The following DLGAP2 variants were observed in gnomAD, a reference collection of about 807,000 sequenced individuals.
DLGAP2 encodes the protein DLG associated protein 2.
A neutral mutation model predicts 100.3 loss-of-function variants in DLGAP2; 26 were observed. The observed-to-expected ratio is 0.26, with a 90% CI of 0.19 to 0.36. The LOEUF is 0.36. Ranked by LOEUF, DLGAP2 falls within the 10% of genes least tolerant of loss-of-function variation. The probability of loss-of-function intolerance (pLI) is 1.00; values close to 1 mark genes in which losing one functional copy is unlikely to be tolerated. For missense variants in DLGAP2, 1,858 were observed against 1,453.2 expected (o/e 1.28, Z -4.53); for synonymous variants, 886 against 630.1 (o/e 1.41, Z -6.08).
intron 3 of DLGAP2, among the ~76,000 whole-genome samples, chr8:1,464,716 C>T (rs887358227): frequency 6.6e-6 from 1 of 152,204 alleles, no homozygotes; most frequent in Non-Finnish European, 1.5e-5. Context: ...ATTCTCCATG[C>T]TGAAAGTGAC....
At chr8:1,194,033 C>G (rs924920789) in intron 2 of DLGAP2, among the ~76,000 whole-genome samples, 2 of 152,264 alleles carry the variant, frequency 1.3e-5, no homozygotes, top group African/African-American at 2.4e-5. Context: ...GGGACCAAAT[C>G]CACGTACTGT....
chr8:923,106 A>C (rs1463587778), intron 2 of DLGAP2, among the ~76,000 whole-genome samples: 1 of 152,226 alleles, frequency 6.6e-6, no homozygotes, highest in Non-Finnish European at 1.5e-5. Flanking sequence ...GCAGCAAGTT[A>C]CTACGGAACA....
intron 2 of DLGAP2, among the ~76,000 whole-genome samples, chr8:1,246,059 G>C (rs112678368): frequency 1.3e-5 from 2 of 152,294 alleles, no homozygotes; most frequent in East Asian, 1.9e-4. Flanking sequence ...TGTACTATCA[G>C]TGTCTATATT....
At chr8:841,091 G>T (rs1021338678) in intron 1 of DLGAP2, among the ~76,000 whole-genome samples, 2 of 152,118 alleles carry the variant, frequency 1.3e-5, no homozygotes, top group South Asian at 4.1e-4. Context: ...AATTGAACTT[G>T]TTTCTATAAA....
chr8:886,639 A>T (rs1797928917), intron 1 of DLGAP2, among the ~76,000 whole-genome samples: 1 of 152,238 alleles, frequency 6.6e-6, no homozygotes, highest in Admixed American at 6.5e-5. Context: ...CCCAGGAGTC[A>T]TTCAGGAGCA....
intron 1 of DLGAP2, among the ~76,000 whole-genome samples, chr8:843,578 G>A (rs544095167): frequency 9.2e-5 from 14 of 152,306 alleles, no homozygotes; most frequent in Middle Eastern, 3.4e-3. Flanking sequence ...GGACACGGAC[G>A]CCACGTAGAT....
intron 1 of DLGAP2, among the ~76,000 whole-genome samples, chr8:851,793 C>G (rs1475369334): frequency 6.6e-6 from 1 of 152,182 alleles, no homozygotes; most frequent in Non-Finnish European, 1.5e-5. Context: ...TGCTAGATGC[C>G]AGGAACCACA....
Position 1,197,494 on chromosome 8 carries a change from C to G in DLGAP2, c.74-61357C>G, listed in dbSNP as rs373615666. 4.4e-4 allele frequency among the ~76,000 whole-genome samples: 67 copies of G among 152,354 alleles called. 1 individual carries two copies. The South Asian group carries it at 0.01, about 23-fold the overall frequency. ...ACTGTTTATGTTCCATAAAGCTAAGCCACATGGATGCGGAGCAGCTGGGCC... is the reference window on the plus strand; with the variant it reads ...ACTGTTTATGTTCCATAAAGCTAAGGCACATGGATGCGGAGCAGCTGGGCC... On this transcript the variant is annotated intron_variant, in intron 2 of 14. Transcript: ENST00000637795.
intron 1 of DLGAP2, among the ~76,000 whole-genome samples, chr8:799,594 G>A (rs1364943604): frequency 6.6e-6 from 1 of 152,192 alleles, no homozygotes; most frequent in Admixed American, 6.5e-5. Flanking sequence ...TCAAACAGCT[G>A]ATATGAACTG....
chr8:809,863 A>T (rs954487503), intron 1 of DLGAP2, among the ~76,000 whole-genome samples: 1 of 152,114 alleles, frequency 6.6e-6, no homozygotes, highest in Non-Finnish European at 1.5e-5. Context: ...TTGTCATGGG[A>T]AGTACCAGTC....
chr8:1,264,942 A>G (rs772911311), intron 3 of DLGAP2, among the ~76,000 whole-genome samples: 2 of 152,192 alleles, frequency 1.3e-5, no homozygotes, highest in Non-Finnish European at 2.9e-5. Context: ...TCCCCTGCAC[A>G]TGGTCTCTTG....
intron 2 of DLGAP2, among the ~76,000 whole-genome samples, chr8:1,217,099 C>G (rs1309360212): frequency 6.6e-6 from 1 of 152,126 alleles, no homozygotes; most frequent in South Asian, 2.1e-4. Context: ...TTTCAACACT[C>G]TCCCTCCTGC....
intron 3 of DLGAP2, among the ~76,000 whole-genome samples, chr8:1,436,612 T>C (rs1797637674): frequency 6.6e-6 from 1 of 152,184 alleles, no homozygotes; most frequent in African/African-American, 2.4e-5. Flanking sequence ...AACTTATTAT[T>C]GAGGAATGAA....
chr8:1,318,857 G>A (rs1428114025), intron 3 of DLGAP2, among the ~76,000 whole-genome samples: 2 of 140,424 alleles, frequency 1.4e-5, no homozygotes, highest in Non-Finnish European at 1.5e-5. Context: ...TTCCTAAAAG[G>A]CAGAGTTAAT....
chr8:859,199 C>T (rs559080392), intron 1 of DLGAP2, among the ~76,000 whole-genome samples: 3 of 152,038 alleles, frequency 2.0e-5, no homozygotes, highest in African/African-American at 7.2e-5. Flanking sequence ...GCAACCTCCA[C>T]CTCCTGGGTT....
At chr8:857,353 A>G (rs144422614) in intron 1 of DLGAP2, among the ~76,000 whole-genome samples, 3 of 152,350 alleles carry the variant, frequency 2.0e-5, no homozygotes, top group African/African-American at 7.2e-5. Context: ...ATTAAAATGA[A>G]CAGCTTCTGC....
At chr8:1,117,413 G>C (rs1178709919) in intron 2 of DLGAP2, among the ~76,000 whole-genome samples, 1 of 152,210 alleles carries the variant, frequency 6.6e-6, no homozygotes, top group Non-Finnish European at 1.5e-5. Context: ...AGTGGGTTAT[G>C]GGTGATCAAG....
intron 2 of DLGAP2, among the ~76,000 whole-genome samples, chr8:1,008,261 A>T (rs56691956): frequency 0.026 from 3,942 of 152,280 alleles, 165 homozygotes; most frequent in African/African-American, 0.091. Context: ...AGGCCATTTG[A>T]AAACTGGCTT....
At chr8:987,311 G>C (rs1800516621) in intron 2 of DLGAP2, among the ~76,000 whole-genome samples, 2 of 152,098 alleles carry the variant, frequency 1.3e-5, no homozygotes, top group South Asian at 4.1e-4. Flanking sequence ...CGTGTCCACG[G>C]GTCCTGCTGG....
Sources: gnomAD v4.1 joint callset for allele counts (sites outside exome capture counted in the v4.1 genomes callset) on GRCh38, gnomAD v4.1.1 for gene constraint, MANE v1.5 for transcripts, NCBI Gene and HGNC (gene_info 2026-07-23, HGNC 2026-07-21) for gene names.